Variants in XYLT1 observed in about 807,000 individuals in gnomAD.
XYLT1 encodes the protein xylosyltransferase 1, also known as beta-D-xylosyltransferase 1.
A neutral mutation model predicts 91.3 loss-of-function variants in XYLT1; 36 were observed. The observed-to-expected ratio is 0.39, with a 90% confidence interval of 0.30 to 0.52. The LOEUF (loss-of-function observed/expected upper bound fraction) is 0.52. XYLT1 is among the 20% of genes least tolerant of loss of function. The pLI is 0.68. For synonymous variants in XYLT1, 588 were observed against 532.0 expected (o/e 1.11, Z -1.45); for missense variants, 1,242 against 1,284.5 (o/e 0.97, Z 0.51).
At chr16:17,428,607 T>A (rs1040170317) in intron 1 of XYLT1, among the ~76,000 whole-genome samples, 1 of 152,096 alleles carries the variant, frequency 6.6e-6, no homozygotes, top group Non-Finnish European at 1.5e-5. Flanking sequence ...CCAAAAGTGC[T>A]AAAAGCATCT....
rs775371843 is a variant in XYLT1, at chr16:17,186,958, GC to G, written c.1289+11253del. ...GGGTTAGAACGAGAATACGCAAGGT[GC>G]AGATGGAGCAGCAAGGAAGGGGGCA... On this transcript the variant is annotated intron_variant, in intron 5 of 11. Coordinates refer to ENST00000261381, the MANE Select transcript of XYLT1 (RefSeq NM_022166.4). Among the ~76,000 whole-genome samples the G allele has an allele frequency of 2.6e-5, 4 of 152,174 alleles. No individual in the cohort carries two copies. The South Asian group carries it at 6.2e-4, about 24-fold the overall frequency.
At chr16:17,322,166 G>T (rs138472249) in intron 2 of XYLT1, among the ~76,000 whole-genome samples, 189 of 152,256 alleles carry the variant, frequency 1.2e-3, no homozygotes, top group African/African-American at 4.4e-3. Context: ...AGACAGCGGG[G>T]ACAGCAAGGT....
At chr16:17,180,314 G>A (rs2032039402) in intron 5 of XYLT1, among the ~76,000 whole-genome samples, 1 of 152,192 alleles carries the variant, frequency 6.6e-6, no homozygotes, top group South Asian at 2.1e-4. Flanking sequence ...GGTGTCCAGA[G>A]AATGCATTGT....
intron 3 of XYLT1, among the ~76,000 whole-genome samples, chr16:17,220,335 A>G (rs989803834): frequency 1.3e-5 from 2 of 152,088 alleles, no homozygotes; most frequent in African/African-American, 4.8e-5. Context: ...TATGAGCACA[A>G]TTGAAATCTG....
chr16:17,316,753 G>A (rs2034638363), intron 2 of XYLT1, among the ~76,000 whole-genome samples: 1 of 151,560 alleles, frequency 6.6e-6, no homozygotes, highest in Non-Finnish European at 1.5e-5. Flanking sequence ...CAGACAGCAG[G>A]ATTTGGTGGT....
intron 11 of XYLT1, among the ~76,000 whole-genome samples, chr16:17,116,049 G>T (rs1381902345): frequency 1.3e-5 from 2 of 150,892 alleles, no homozygotes; most frequent in African/African-American, 2.4e-5. Flanking sequence ...AATAGCAAAG[G>T]TTTTGTGATT....
chr16:17,165,106 T>C (rs1178315459), intron 5 of XYLT1, among the ~76,000 whole-genome samples: 1 of 152,190 alleles, frequency 6.6e-6, no homozygotes, highest in Non-Finnish European at 1.5e-5. Context: ...AAAATCATTA[T>C]GAAAGCTTAG....
intron 2 of XYLT1, among the ~76,000 whole-genome samples, chr16:17,342,731 C>A (rs1481325624): frequency 6.7e-6 from 1 of 148,728 alleles, no homozygotes; most frequent in African/African-American, 2.6e-5. Context: ...CAAAAAAAAA[C>A]ACATGCGTTT....
intron 2 of XYLT1, among the ~76,000 whole-genome samples, chr16:17,301,967 T>G (rs965357418): frequency 8.5e-5 from 13 of 152,136 alleles, no homozygotes; most frequent in Admixed American, 3.9e-4. Context: ...ATCTCAGCAC[T>G]TTGGGAGGCC....
At chr16:17,135,689 T>TCACTATCAGAGATGG in intron 8 of XYLT1, among the ~76,000 whole-genome samples, 1 of 152,010 alleles carries the variant, frequency 6.6e-6, no homozygotes, top group East Asian at 1.9e-4. Flanking sequence ...ACACAGCAAG[T>TCACTATCAGAGATGG]CACTATCAGA....
At chr16:17,299,132 T>C (rs889964949) in intron 2 of XYLT1, among the ~76,000 whole-genome samples, 5 of 152,168 alleles carry the variant, frequency 3.3e-5, no homozygotes, top group Admixed American at 3.3e-4. Flanking sequence ...ATGACAGGCA[T>C]TGGGTAAATA....
At chr16:17,356,993 G>C (rs1042709759) in intron 2 of XYLT1, among the ~76,000 whole-genome samples, 2 of 151,614 alleles carry the variant, frequency 1.3e-5, no homozygotes, top group African/African-American at 4.8e-5. Flanking sequence ...TGGCTAACAC[G>C]GTGAAACCTC....
chr16:17,447,762 C>T (rs899451154), intron 1 of XYLT1, among the ~76,000 whole-genome samples: 1 of 114,384 alleles, frequency 8.7e-6, no homozygotes, highest in Non-Finnish European at 1.7e-5. Flanking sequence ...CGACCTTCCA[C>T]GAAAGCCACT....
chr16:17,297,036 T>C (rs1283811684), intron 2 of XYLT1, among the ~76,000 whole-genome samples: 1 of 152,256 alleles, frequency 6.6e-6, no homozygotes, highest in African/African-American at 2.4e-5. Context: ...TCTTGTGAGC[T>C]AGACATTGTG....
chr16:17,379,432 C>G (rs2035642955), intron 1 of XYLT1, among the ~76,000 whole-genome samples: 1 of 152,242 alleles, frequency 6.6e-6, no homozygotes. Context: ...CCCAGCCTGC[C>G]TGGGGGCAGA....
intron 2 of XYLT1, among the ~76,000 whole-genome samples, chr16:17,300,287 C>A (rs1188639008): frequency 6.6e-6 from 1 of 152,118 alleles, no homozygotes; most frequent in Non-Finnish European, 1.5e-5. Flanking sequence ...ATTTAACTTG[C>A]ATTTAAGCAA....
chr16:17,393,198 G>C (rs2035842112), intron 1 of XYLT1, among the ~76,000 whole-genome samples: 1 of 152,218 alleles, frequency 6.6e-6, no homozygotes, highest in South Asian at 2.1e-4. Context: ...GCCTGTGGCA[G>C]ACACTTTGGT....
chr16:17,448,426 C>T (rs931995193), intron 1 of XYLT1, among the ~76,000 whole-genome samples: 5 of 152,128 alleles, frequency 3.3e-5, no homozygotes, highest in Non-Finnish European at 7.3e-5. Flanking sequence ...AAATGTGCAT[C>T]TTAAAATGAA....
At chr16:17,213,290 G>T (rs1023910523) in intron 3 of XYLT1, among the ~76,000 whole-genome samples, 4 of 152,162 alleles carry the variant, frequency 2.6e-5, no homozygotes, top group African/African-American at 7.2e-5. Flanking sequence ...CTCCTCAGAA[G>T]CAGAAGCCTT....
Sources: gnomAD v4.1 joint callset for allele counts (sites outside exome capture counted in the v4.1 genomes callset) on GRCh38, gnomAD v4.1.1 for gene constraint, MANE v1.5 for transcripts, NCBI Gene and HGNC (gene_info 2026-07-23, HGNC 2026-07-21) for gene names.